MPHOSPH6: variants seen among roughly 807,000 people sequenced by gnomAD.
MPHOSPH6 encodes the protein M-phase phosphoprotein 6.
Under a neutral mutation model 21.8 loss-of-function variants are expected in MPHOSPH6, and 25 were observed. The observed-to-expected ratio is 1.15, with a 90% CI of 0.83 to 1.60. The LOEUF is 1.60. Ranked by LOEUF, MPHOSPH6 falls within the 40% of genes most tolerant of loss-of-function variation. The pLI is 0.00. For synonymous variants in MPHOSPH6, 84 were observed against 56.5 expected (o/e 1.49, Z -2.18); for missense variants, 269 against 181.8 (o/e 1.48, Z -2.76).
chr16:82,164,612 C>T (rs1906707173), intron 1 of MPHOSPH6: 1 of 164,798 alleles, frequency 6.1e-6, no homozygotes, highest in Non-Finnish European at 1.3e-5. Flanking sequence ...ATCAGTGCCT[C>T]TGTCCTAAAT....
intron 4 of MPHOSPH6, 24 bp from the exon 5 acceptor site, chr16:82,148,887 C>G: frequency 1.2e-6 from 2 of 1,611,078 alleles, no homozygotes; most frequent in Non-Finnish European, 1.7e-6. Flanking sequence ...AGGCAGCACA[C>G]GTTTAATTTC....
At chr16:82,162,056 G>C (rs1206979846) in intron 2 of MPHOSPH6, among the ~76,000 whole-genome samples, 1 of 152,218 alleles carries the variant, frequency 6.6e-6, no homozygotes, top group Non-Finnish European at 1.5e-5. Context: ...TCAGATATAA[G>C]GAAATACACA....
chr16:82,148,827 A>G lies in MPHOSPH6; in HGVS notation c.387T>C (p.Phe129=). 6.2e-7 allele frequency: 1 copy of G among 1,614,164 alleles called. No individual in the cohort carries two copies. The highest frequency in any genetic ancestry group is 8.5e-7 in the Non-Finnish European group (1 of 1,180,022). The part of the protein sequence containing the change: ...ETLVGTIGKK[F]ARKRDHANYE... Reference sequence around the variant, plus strand: ...AATTGGCATGGTCTCTCTTTCTGGCAAACTTTTTCCCAATTGTCCCCACCA... The same window carrying G: ...AATTGGCATGGTCTCTCTTTCTGGCGAACTTTTTCCCAATTGTCCCCACCA... Residue 129 remains phenylalanine (F), a synonymous_variant, in exon 5 of 5, where the codon TTT becomes TTC. Transcript: ENST00000258169.
intron 2 of MPHOSPH6, among the ~76,000 whole-genome samples, chr16:82,161,017 T>A (rs12448920): frequency 0.56 from 85,790 of 151,850 alleles, 25,067 homozygotes; most frequent in Admixed American, 0.64. Context: ...CTTGCTAAGT[T>A]TCTCCTGGCT....
chr16:82,155,325 T>C (rs1482921859), intron 2 of MPHOSPH6, among the ~76,000 whole-genome samples: 1 of 152,220 alleles, frequency 6.6e-6, no homozygotes, highest in Non-Finnish European at 1.5e-5. Context: ...ATTGGGTCCT[T>C]AGCCATGAAA....
intron 1 of MPHOSPH6, among the ~76,000 whole-genome samples, chr16:82,168,190 C>T (rs1472774901): frequency 6.6e-6 from 1 of 152,144 alleles, no homozygotes; most frequent in Non-Finnish European, 1.5e-5. Context: ...CTGAGTCACC[C>T]AGTACATCAT....
intron 1 of MPHOSPH6, chr16:82,167,609 G>A (rs1045126502): frequency 6.3e-6 from 1 of 159,236 alleles, no homozygotes; most frequent in Admixed American, 6.5e-5. Flanking sequence ...TGGGTGTGAT[G>A]GGAGACAATG....
intron 4 of MPHOSPH6, 123 bp downstream of exon 4, chr16:82,149,186 A>T (rs951590913): frequency 4.8e-6 from 5 of 1,039,906 alleles, no homozygotes; most frequent in Middle Eastern, 2.6e-4. Flanking sequence ...GGCCGATCAC[A>T]GTCATCGTCC....
At position 82,148,842 on chromosome 16, in the gene MPHOSPH6, T is replaced by G; in HGVS notation, c.372A>C (p.Thr124=). 1 of 1,614,200 alleles carries G rather than the reference T, an allele frequency of 6.2e-7. No homozygotes were observed. The highest frequency in any genetic ancestry group is 2.2e-5 in the East Asian group (1 of 44,880). Residue 124 remains threonine, a synonymous_variant, in exon 5 of 5, where the codon ACA becomes ACC. Transcript: ENST00000258169. ...MARRYETLVG[T]IGKKFARKRD... ...TCTTTCTGGCAAACTTTTTCCCAAT[T>G]GTCCCCACCAAGGTCTCATATCTGT...
At chr16:82,159,979 C>G (rs966757261) in intron 2 of MPHOSPH6, among the ~76,000 whole-genome samples, 1 of 152,188 alleles carries the variant, frequency 6.6e-6, no homozygotes, top group African/African-American at 2.4e-5. Flanking sequence ...AGTAAATCAT[C>G]TCTCTCAGGA....
At chr16:82,165,389 G>A (rs1042062088) in intron 1 of MPHOSPH6, among the ~76,000 whole-genome samples, 1 of 151,954 alleles carries the variant, frequency 6.6e-6, no homozygotes, top group African/African-American at 2.4e-5. Context: ...CTCCCAAAGT[G>A]CTGGGATTAC....
intron 1 of MPHOSPH6, among the ~76,000 whole-genome samples, chr16:82,166,237 A>T (rs1906775589): frequency 6.6e-6 from 1 of 152,258 alleles, no homozygotes; most frequent in African/African-American, 2.4e-5. Flanking sequence ...AAAAAGTAAA[A>T]GAAAACAAGT....
chr16:82,149,159 G>A lies in MPHOSPH6; in HGVS notation c.350+150C>T, dbSNP rs574192619. 7.3e-5 allele frequency: 62 copies of A among 853,888 alleles called. 1 individual carries two copies. The Middle Eastern group carries it at 1.4e-3, about 19-fold the overall frequency. The allele number at this position is 853,888 out of a possible 1,614,324, so 52.9% of individuals were successfully genotyped here. On this transcript the variant is annotated intron_variant, in intron 4 of 4. Coordinates refer to ENST00000258169, the MANE Select transcript of MPHOSPH6 (RefSeq NM_005792.2). ...AGCCTGAGACAGGTCTGTGGCCCCC[G>A]TAGGCCATTAAGAGAAGGCCGATCA...
In MPHOSPH6 at chr16:82,148,779, G is replaced by A. The variant is rs772691032; in HGVS notation, c.435C>T (p.Asp145=). The change falls in exon 5 of 5, where the codon GAC becomes GAT. Residue 145 remains aspartate, a synonymous_variant. Transcript: ENST00000258169. Reference sequence around the variant, plus strand: ...TCTTCTTTGCTTTAATTGGTGTTATGTCTCCATTTTCATCTTCTTCATAAT... The same window carrying A: ...TCTTCTTTGCTTTAATTGGTGTTATATCTCCATTTTCATCTTCTTCATAAT... ...HANYEEDENG[D]ITPIKAKKMF... is the part of the protein sequence containing the mutation. The A allele has an allele frequency of 5.0e-6, 8 of 1,614,050 alleles. No homozygotes were observed. The highest frequency in any genetic ancestry group is 4.2e-6 in the Non-Finnish European group (5 of 1,180,012).
At chr16:82,159,331 A>C (rs542453437) in intron 2 of MPHOSPH6, among the ~76,000 whole-genome samples, 1 of 152,348 alleles carries the variant, frequency 6.6e-6, no homozygotes, top group South Asian at 2.1e-4. Flanking sequence ...TTTGTTATTT[A>C]AATAATTTTT....
At chr16:82,167,332 T>G (rs1906814651) in intron 1 of MPHOSPH6, among the ~76,000 whole-genome samples, 1 of 152,198 alleles carries the variant, frequency 6.6e-6, no homozygotes, top group Non-Finnish European at 1.5e-5. Flanking sequence ...GAGTCAGGAT[T>G]AAATCCTCAA....
At chr16:82,151,346 G>A (rs766494597) in intron 3 of MPHOSPH6, 78 bp downstream of exon 3, 1 of 1,571,348 alleles carries the variant, frequency 6.4e-7, no homozygotes, top group South Asian at 1.2e-5. Flanking sequence ...ACCTGGTGGA[G>A]AAACACCTAA....
chr16:82,167,068 C>T (rs374048185), intron 1 of MPHOSPH6, among the ~76,000 whole-genome samples: 53 of 151,792 alleles, frequency 3.5e-4, no homozygotes, highest in African/African-American at 1.1e-3. Flanking sequence ...CATGGTCATT[C>T]GGTCTTGAAC....
rs187972867 is a variant in MPHOSPH6 at position 82,149,299 on chromosome 16, G to T, written c.350+10C>A. 2.5e-6 allele frequency: 4 copies of T among 1,612,122 alleles called. No homozygotes were observed. The African/African-American group carries it at 5.3e-5, about 22-fold the overall frequency. On this transcript the variant is annotated intron_variant, in intron 4 of 4. Coordinates refer to ENST00000258169, the MANE Select transcript of MPHOSPH6 (RefSeq NM_005792.2). ...GTCCAGATTAGAAGGCTGCTGCGCA[G>T]CACGGTTACCTTCTAGCCATCTCTT...
Sources: gnomAD v4.1 joint callset for allele counts (sites outside exome capture counted in the v4.1 genomes callset) on GRCh38, gnomAD v4.1.1 for gene constraint, MANE v1.5 for transcripts, NCBI Gene and HGNC (gene_info 2026-07-23, HGNC 2026-07-21) for gene names.